Variants in SLC35E3 observed in about 807,000 individuals in gnomAD.
SLC35E3 encodes the protein bladder cancer-overexpressed gene 1 protein.
In SLC35E3, 28 loss-of-function variants were observed where a neutral mutation model predicts 30.8. That is an observed-to-expected ratio of 0.91 (90% CI 0.67 to 1.25). The LOEUF (loss-of-function observed/expected upper bound fraction) is 1.25. Ranked by LOEUF, SLC35E3 falls within the 50% of genes most tolerant of loss-of-function variation. The pLI is 0.00. For missense variants in SLC35E3, 365 were observed against 375.4 expected, an observed-to-expected ratio of 0.97 and a Z score of 0.23; for synonymous variants, 146 against 149.2, an observed-to-expected ratio of 0.98 and a Z score of 0.16.
At chr12:68,755,139 T>C (rs1878955643) in intron 3 of SLC35E3, among the ~76,000 whole-genome samples, 1 of 152,174 alleles carries the variant, frequency 6.6e-6, no homozygotes, top group Non-Finnish European at 1.5e-5. Context: ...GTATCTCTTC[T>C]TATCATAGGG....
chr12:68,764,845 C>T lies in SLC35E3; in HGVS notation c.897C>T (p.Leu299=), dbSNP rs1396234258. ...FGILAYTHFK[L]SEQEGSRSKL... is the part of the protein sequence containing the mutation. ...TTCTCGCCTATACCCACTTTAAGCT[C>T]AGTGAACAGGAAGGAAGTAGGAGTA... The change falls in exon 5 of 5, where the codon CTC becomes CTT. Residue 299 remains leucine (L), a synonymous_variant. Coordinates refer to ENST00000398004, the MANE Select transcript of SLC35E3 (RefSeq NM_018656.5). 6.2e-7 allele frequency: 1 copy of T among 1,614,040 alleles called. No individual in the cohort carries two copies. The highest frequency in any genetic ancestry group is 8.5e-7 in the Non-Finnish European group (1 of 1,180,022).
rs1879653397 is a variant in SLC35E3, at chr12:68,773,216, A to G, written c.*8326A>G. ...ATTTAAGAATAAACTTTTGTAAGGA[A>G]GTAAAAAAGAGTCTACAGTTCAGTG... On this transcript the variant is annotated 3_prime_UTR_variant, in exon 5 of 5. Transcript: ENST00000398004. 1 of 152,160 alleles carries G rather than the reference A, an allele frequency of 6.6e-6. No individual in the cohort carries two copies. Among genetic ancestry groups the G allele is most frequent in the South Asian group, 2.1e-4 (1 of 4,826 alleles). The allele number at this position is 152,160 out of a possible 1,614,324, so 9.4% of individuals were successfully genotyped here. A position where few individuals can be genotyped will look rare whatever the true frequency, so the allele number is the denominator to read the frequency against.
At position 68,761,733 on chromosome 12, in the gene SLC35E3, A is replaced by G. The variant is rs1879238429; in HGVS notation, c.755+2494A>G. On this transcript the variant is annotated intron_variant, in intron 4 of 4. Coordinates refer to ENST00000398004, the MANE Select transcript of SLC35E3 (RefSeq NM_018656.5). Reference sequence around the variant, plus strand: ...TTTAGAAGTAATAGTGGCTACCAGTATGATAGCAGTGGATATAGTAAGAAG... The same window carrying G: ...TTTAGAAGTAATAGTGGCTACCAGTGTGATAGCAGTGGATATAGTAAGAAG... Among the ~76,000 whole-genome samples, 8 of 152,334 alleles carry G rather than the reference A, an allele frequency of 5.3e-5. No individual in the cohort carries two copies. In the South Asian group the frequency reaches 1.5e-3, roughly 28 times the overall value.
intron 3 of SLC35E3, among the ~76,000 whole-genome samples, chr12:68,758,160 G>A (rs1057216034): frequency 2.0e-5 from 3 of 151,714 alleles, no homozygotes; most frequent in African/African-American, 4.8e-5. Context: ...AGTGGCTCAC[G>A]CCTGTAATCC....
At position 68,780,503 on chromosome 12, in the gene SLC35E3, T is replaced by TTG. The variant is rs71278214; in HGVS notation, c.*15613_*15614insTG. On this transcript the variant is annotated 3_prime_UTR_variant, in exon 5 of 5. Coordinates refer to ENST00000398004, the MANE Select transcript of SLC35E3 (RefSeq NM_018656.5). ...ACACTTTTTTTTTTTTTTTTTTTTT[T>TTG]GGAGACAGAGTTTCACTCTTGTTGC... 6.7e-6 allele frequency: 1 copy of TTG among 148,980 alleles called. No individual in the cohort carries two copies. The highest frequency in any genetic ancestry group is 6.8e-5 in the Admixed American group (1 of 14,736). The allele number at this position is 148,980 out of a possible 1,614,324, so 9.2% of individuals were successfully genotyped here. A position where few individuals can be genotyped will look rare whatever the true frequency, so the allele number is the denominator to read the frequency against.
chr12:68,767,812 G>A lies in SLC35E3; in HGVS notation c.*2922G>A, dbSNP rs927871652. ...CATTTTACAAAGATATATATTTTTT[G>A]TGCTAAGGACAGAGCAATTAGTTTT... On this transcript the variant is annotated 3_prime_UTR_variant, in exon 5 of 5. Coordinates refer to ENST00000398004, the MANE Select transcript of SLC35E3 (RefSeq NM_018656.5). 1.1e-4 allele frequency: 16 copies of A among 152,152 alleles called. No individual in the cohort carries two copies. The highest frequency in any genetic ancestry group is 3.6e-4 in the African/African-American group (15 of 41,530). The allele number at this position is 152,152 out of a possible 1,614,324, so 9.4% of individuals were successfully genotyped here.
chr12:68,775,027 A>C lies in SLC35E3; in HGVS notation c.*10137A>C, dbSNP rs1879703487. 6.6e-6 allele frequency: 1 copy of C among 151,678 alleles called. No homozygotes were observed. Among genetic ancestry groups the C allele is most frequent in the African/African-American group, 2.4e-5 (1 of 41,262 alleles). The allele number at this position is 151,678 out of a possible 1,614,324, so 9.4% of individuals were successfully genotyped here. On this transcript the variant is annotated 3_prime_UTR_variant, in exon 5 of 5. Transcript: ENST00000398004. ...CTTACTCACTTAAAAAAATAATAAT[A>C]ATTAGAGACAGGGTGTTGCTATGTT...
In SLC35E3 at chr12:68,754,442, C is replaced by T. The variant is rs1878926521; in HGVS notation, c.672+2252C>T. 1.3e-5 allele frequency among the ~76,000 whole-genome samples: 2 copies of T among 152,060 alleles called. 1 individual carries two copies. Among genetic ancestry groups the T allele is most frequent in the South Asian group, 4.1e-4 (2 of 4,828 alleles). On this transcript the variant is annotated intron_variant, in intron 3 of 4. Transcript: ENST00000398004. ...GGAATTAGAGGTGTGCGCCACCATG[C>T]CTGGCTAATTTTTTTGTATTTTTGA...
intron 1 of SLC35E3, among the ~76,000 whole-genome samples, chr12:68,747,279 T>G (rs1024245254): frequency 1.3e-5 from 2 of 152,018 alleles, no homozygotes; most frequent in African/African-American, 2.4e-5. Context: ...TTTTTTTTTT[T>G]TCTTTTTGAG....
rs1028970283 is a variant in SLC35E3, at chr12:68,767,546, C to G, written c.*2656C>G. ...AAAAAAAAAAAAAAAAAGGGAAGAG[C>G]GACAAAATATACCTTTTGATAAGAC... On this transcript the variant is annotated 3_prime_UTR_variant, in exon 5 of 5. Transcript: ENST00000398004. 6.8e-6 allele frequency: 1 copy of G among 147,956 alleles called. No homozygotes were observed. The highest frequency in any genetic ancestry group is 2.5e-5 in the African/African-American group (1 of 40,360). The allele number at this position is 147,956 out of a possible 1,614,324, so 9.2% of individuals were successfully genotyped here. A position where few individuals can be genotyped will look rare whatever the true frequency, so the allele number is the denominator to read the frequency against.
At chr12:68,748,562 T>A (rs1878682601) in intron 2 of SLC35E3, among the ~76,000 whole-genome samples, 1 of 152,062 alleles carries the variant, frequency 6.6e-6, no homozygotes, top group Non-Finnish European at 1.5e-5. Context: ...TAGAGTAATT[T>A]ATATTAATGA....
intron 3 of SLC35E3, among the ~76,000 whole-genome samples, chr12:68,753,889 C>T (rs750904068): frequency 7.9e-5 from 12 of 151,994 alleles, no homozygotes; most frequent in Non-Finnish European, 1.6e-4. Flanking sequence ...CTCACTCTGT[C>T]GCCCAGGCTG....
chr12:68,757,486 T>C (rs778796823), intron 3 of SLC35E3, among the ~76,000 whole-genome samples: 7 of 152,184 alleles, frequency 4.6e-5, no homozygotes, highest in Non-Finnish European at 1.0e-4. Context: ...GAACTTTGTA[T>C]GTGTATATAG....
In SLC35E3 at chr12:68,752,728, G is replaced by C. The variant is rs142378773; in HGVS notation, c.672+538G>C. Reference sequence around the variant, plus strand: ...TCTACAAAAAATTAAGAAATGGGCAGGGTGTGGTGGCTCATGCCTGTAATC... The same window carrying C: ...TCTACAAAAAATTAAGAAATGGGCACGGTGTGGTGGCTCATGCCTGTAATC... On this transcript the variant is annotated intron_variant, in intron 3 of 4. Coordinates refer to ENST00000398004, the MANE Select transcript of SLC35E3 (RefSeq NM_018656.5). Among the ~76,000 whole-genome samples, 540 of 152,122 alleles carry C rather than the reference G, an allele frequency of 3.5e-3. 3 individuals carry two copies. Among genetic ancestry groups the C allele is most frequent in the Non-Finnish European group, 6.0e-3 (407 of 67,970 alleles).
intron 2 of SLC35E3, among the ~76,000 whole-genome samples, chr12:68,750,288 A>T (rs1878741109): frequency 6.6e-6 from 1 of 152,250 alleles, no homozygotes; most frequent in Non-Finnish European, 1.5e-5. Context: ...AGAGATGGCC[A>T]GGAGACTGGC....
At chr12:68,751,968 C>T (rs1367857167) in intron 2 of SLC35E3, 64 bp from the exon 3 acceptor site, 17 of 1,455,200 alleles carry the variant, frequency 1.2e-5, no homozygotes, top group South Asian at 8.4e-5. Context: ...CTCTAGTTGT[C>T]GCATCTTTGA....
chr12:68,753,123 A>AG, intron 3 of SLC35E3, among the ~76,000 whole-genome samples: 1 of 151,658 alleles, frequency 6.6e-6, no homozygotes, highest in African/African-American at 2.4e-5. Flanking sequence ...AAAAAAAAAA[A>AG]AAAAAGAATT....
rs569980186 is a variant in SLC35E3, at chr12:68,771,931, C to A, written c.*7041C>A. On this transcript the variant is annotated 3_prime_UTR_variant, in exon 5 of 5. Transcript: ENST00000398004. Reference sequence around the variant, plus strand: ...TGTCCAGCTCCAAAATCCCCTGATTCTGCTTTTTCAGATTAAAATTATAAT... The same window carrying A: ...TGTCCAGCTCCAAAATCCCCTGATTATGCTTTTTCAGATTAAAATTATAAT... 1 of 152,302 alleles carries A rather than the reference C, an allele frequency of 6.6e-6. No homozygotes were observed. Among genetic ancestry groups the A allele is most frequent in the Non-Finnish European group, 1.5e-5 (1 of 68,018 alleles). The allele number at this position is 152,302 out of a possible 1,614,324, so 9.4% of individuals were successfully genotyped here.
At chr12:68,753,834 A>ACCCC (rs1555181519) in intron 3 of SLC35E3, among the ~76,000 whole-genome samples, 4 of 148,044 alleles carry the variant, frequency 2.7e-5, no homozygotes, top group African/African-American at 1.0e-4. Flanking sequence ...ACACACACAC[A>ACCCC]CCCCAATTAA....
Sources: allele counts gnomAD v4.1 joint callset (sites outside exome capture counted in the v4.1 genomes callset), GRCh38; gene constraint gnomAD v4.1.1; transcripts MANE v1.5; gene names NCBI Gene and HGNC (gene_info 2026-07-23, HGNC 2026-07-21).